COL4A6: variants seen among roughly 807,000 people sequenced by gnomAD.
The protein encoded by COL4A6 is collagen type IV alpha 6 chain, also known as collagen alpha-6(IV) chain.
A neutral mutation model predicts 126.7 loss-of-function variants in COL4A6; 59 were observed. The observed-to-expected ratio is 0.47, with a 90% confidence interval of 0.38 to 0.58. The LOEUF (loss-of-function observed/expected upper bound fraction) is 0.58. Among genes scored for constraint, COL4A6 ranks in the 20% least tolerant of loss-of-function variants. The pLI, the probability that COL4A6 is intolerant of heterozygous loss-of-function variation, is 0.00. For missense variants in COL4A6, 1,285 were observed against 1,337.3 expected (o/e 0.96, Z 0.61); for synonymous variants, 547 against 496.6 (o/e 1.10, Z -1.35).
At chrX:108,217,329 A>C (rs1215256427) in intron 5 of COL4A6, among the ~76,000 whole-genome samples, 3 of 111,898 alleles carry the variant, frequency 2.7e-5, no homozygotes, top group Non-Finnish European at 5.6e-5. Context: ...CAAATTGCTT[A>C]ATATGTGTTA....
chrX:108,409,523 A>G (rs1448457034), intron 2 of COL4A6, among the ~76,000 whole-genome samples: 2 of 111,476 alleles, frequency 1.8e-5, no homozygotes, highest in East Asian at 5.6e-4. Flanking sequence ...AGGCTTGGAT[A>G]AGTTCGAACA....
chrX:108,404,187 T>C (rs1265596552), intron 2 of COL4A6, among the ~76,000 whole-genome samples: 2 of 112,111 alleles, frequency 1.8e-5, no homozygotes, highest in Non-Finnish European at 3.8e-5. Context: ...TGTTCTGTTA[T>C]AGTAGTGCAA....
At chrX:108,219,891 G>T in intron 4 of COL4A6, 149 bp from the exon 5 acceptor site, 1 of 489,454 alleles carries the variant, frequency 2.0e-6, no homozygotes, top group Non-Finnish European at 3.6e-6. Context: ...TCCTACTGCA[G>T]TTCGAAGTGA....
intron 2 of COL4A6, among the ~76,000 whole-genome samples, chrX:108,362,743 A>G (rs979245754): frequency 9.0e-6 from 1 of 111,702 alleles, no homozygotes; most frequent in African/African-American, 3.3e-5. Context: ...TCCTGTGCCA[A>G]TGTAGAACAC....
chrX:108,393,598 A>G (rs1439163880), intron 2 of COL4A6, among the ~76,000 whole-genome samples: 1 of 112,318 alleles, frequency 8.9e-6, no homozygotes, highest in Non-Finnish European at 1.9e-5. Context: ...ACTAAAAACC[A>G]TTGAACTATA....
chrX:108,411,611 T>G, intron 2 of COL4A6, among the ~76,000 whole-genome samples: 1 of 112,069 alleles, frequency 8.9e-6, no homozygotes, highest in East Asian at 2.8e-4. Context: ...GAGTTTCCAT[T>G]ACTTTTGTCC....
At chrX:108,183,014 G>A (rs968010635) in intron 23 of COL4A6, among the ~76,000 whole-genome samples, 2 of 112,136 alleles carry the variant, frequency 1.8e-5, no homozygotes, top group African/African-American at 3.2e-5. Flanking sequence ...GGAAATCAAC[G>A]ACATATTTCT....
chrX:108,172,580 GC>G, intron 31 of COL4A6, 48 bp from the exon 32 acceptor site: 2 of 1,044,483 alleles, frequency 1.9e-6, no homozygotes, highest in Non-Finnish European at 1.3e-6. Context: ...GCTCAGGACT[GC>G]CCACCCTCTT....
At chrX:108,240,916 G>T (rs1195237479) in intron 3 of COL4A6, among the ~76,000 whole-genome samples, 4 of 111,524 alleles carry the variant, frequency 3.6e-5, no homozygotes, top group Non-Finnish European at 5.6e-5. Context: ...TATGAAAAAT[G>T]GAGGGGGAAG....
intron 2 of COL4A6, among the ~76,000 whole-genome samples, chrX:108,345,052 C>CAATA (rs1268373384): frequency 9.0e-6 from 1 of 111,528 alleles, no homozygotes; most frequent in Non-Finnish European, 1.9e-5. Context: ...ACATCATAGA[C>CAATA]ATATAGAGTG....
At chrX:108,294,247 A>C (rs756988281) in intron 3 of COL4A6, among the ~76,000 whole-genome samples, 3 of 111,927 alleles carry the variant, frequency 2.7e-5, no homozygotes, top group African/African-American at 9.7e-5. Context: ...TTGGTACCTA[A>C]GTTCTTTTCT....
At chrX:108,183,805 T>C (rs1229063103) in intron 23 of COL4A6, 3 of 884,048 alleles carry the variant, frequency 3.4e-6, no homozygotes, top group Non-Finnish European at 4.2e-6. Context: ...AAAATTAAAC[T>C]AGGACAGAAG....
At chrX:108,161,006 C>G (rs2033914763) in intron 42 of COL4A6, among the ~76,000 whole-genome samples, 2 of 111,906 alleles carry the variant, frequency 1.8e-5, no homozygotes, top group African/African-American at 6.5e-5. Context: ...TCAGGTCCAG[C>G]CTTGCAGGCC....
intron 2 of COL4A6, among the ~76,000 whole-genome samples, chrX:108,392,565 T>C (rs1471147224): frequency 1.8e-5 from 2 of 111,280 alleles, no homozygotes; most frequent in African/African-American, 6.5e-5. Context: ...AAAACTACAA[T>C]GAGATACCAC....
chrX:108,281,588 TC>T (rs958042201), intron 3 of COL4A6, among the ~76,000 whole-genome samples: 1 of 111,683 alleles, frequency 9.0e-6, no homozygotes, highest in African/African-American at 3.3e-5. Flanking sequence ...ATTTATAGAT[TC>T]AATGCCATCC....
intron 41 of COL4A6, 33 bp downstream of exon 41, chrX:108,162,859 C>A: frequency 1.6e-5 from 18 of 1,123,748 alleles, no homozygotes; most frequent in Non-Finnish European, 2.1e-5. Flanking sequence ...CTCAACTCCC[C>A]AACAAATCTC....
chrX:108,385,756 T>C (rs965735335), intron 2 of COL4A6, among the ~76,000 whole-genome samples: 7 of 111,527 alleles, frequency 6.3e-5, no homozygotes. Flanking sequence ...CTGGGATACA[T>C]GTGCAGAACA....
chrX:108,297,835 T>A (rs1223758736), intron 3 of COL4A6, among the ~76,000 whole-genome samples: 4 of 110,005 alleles, frequency 3.6e-5, no homozygotes, highest in Admixed American at 1.9e-4. Flanking sequence ...GTTCCTTGGC[T>A]CAGGCTTGCA....
chrX:108,346,389 A>T (rs1465194376), intron 2 of COL4A6, among the ~76,000 whole-genome samples: 8 of 111,466 alleles, frequency 7.2e-5, no homozygotes, highest in Non-Finnish European at 1.5e-4. Context: ...GAAAAAAAAA[A>T]TACCGCCTTT....
Sources: allele counts gnomAD v4.1 joint callset (sites outside exome capture counted in the v4.1 genomes callset), GRCh38; gene constraint gnomAD v4.1.1; transcripts MANE v1.5; gene names NCBI Gene and HGNC (gene_info 2026-07-23, HGNC 2026-07-21).